Variants in CNTN5 observed in about 807,000 individuals in gnomAD.
CNTN5 encodes the protein contactin-5.
In CNTN5, 77 loss-of-function variants were observed where a neutral mutation model predicts 129.1. That is an observed-to-expected ratio of 0.60 (90% CI 0.50 to 0.72). The LOEUF (loss-of-function observed/expected upper bound fraction) is 0.72, where lower values mean the gene tolerates loss of function less well. CNTN5 is among the 30% of genes least tolerant of loss of function. The pLI, the probability that CNTN5 is intolerant of heterozygous loss-of-function variation, is 0.00. For missense variants in CNTN5, 1,478 were observed against 1,328.8 expected, an observed-to-expected ratio of 1.11 and a Z score of -1.75; for synonymous variants, 509 against 465.6, an observed-to-expected ratio of 1.09 and a Z score of -1.20.
At chr11:100,307,904 A>C (rs1951389456) in intron 20 of CNTN5, among the ~76,000 whole-genome samples, 1 of 151,756 alleles carries the variant, frequency 6.6e-6, no homozygotes, top group South Asian at 2.1e-4. Flanking sequence ...CTCTCATTAT[A>C]GTCATGTTAT....
At chr11:99,081,625 G>C (rs1865800184) in intron 1 of CNTN5, among the ~76,000 whole-genome samples, 1 of 152,114 alleles carries the variant, frequency 6.6e-6, no homozygotes, top group Admixed American at 6.5e-5. Flanking sequence ...GTAAGGTACA[G>C]CACTGATATT....
chr11:99,419,814 T>A (rs1209915457), intron 2 of CNTN5, among the ~76,000 whole-genome samples: 2 of 152,158 alleles, frequency 1.3e-5, no homozygotes, highest in African/African-American at 2.4e-5. Context: ...TACAAATTAT[T>A]GTTATTGTTA....
intron 16 of CNTN5, among the ~76,000 whole-genome samples, chr11:100,245,331 G>A (rs72985627): frequency 0.051 from 7,703 of 152,126 alleles, 259 homozygotes; most frequent in East Asian, 0.17. Context: ...AACTTGCATC[G>A]AACCATCTGG....
chr11:99,382,853 T>TTTG (rs1402092440), intron 2 of CNTN5, among the ~76,000 whole-genome samples: 3 of 84,412 alleles, frequency 3.6e-5, no homozygotes, highest in East Asian at 5.8e-4. Context: ...AACTTTTTTT[T>TTTG]TTTTTTTTTT....
intron 1 of CNTN5, among the ~76,000 whole-genome samples, chr11:99,103,389 T>C (rs1866832792): frequency 6.6e-6 from 1 of 152,236 alleles, no homozygotes; most frequent in African/African-American, 2.4e-5. Flanking sequence ...CCCTATGCCA[T>C]GCTGTTGCCT....
intron 1 of CNTN5, among the ~76,000 whole-genome samples, chr11:99,202,818 C>G (rs1859277119): frequency 6.6e-6 from 1 of 150,860 alleles, no homozygotes; most frequent in African/African-American, 2.4e-5. Flanking sequence ...ATAGTAAATG[C>G]CATTGAATAC....
chr11:99,503,597 T>C (rs906079121), intron 2 of CNTN5, among the ~76,000 whole-genome samples: 1 of 152,188 alleles, frequency 6.6e-6, no homozygotes, highest in South Asian at 2.1e-4. Flanking sequence ...ATTGTTAATA[T>C]ATCTTTCACC....
chr11:99,527,765 G>A (rs1478074901), intron 2 of CNTN5, among the ~76,000 whole-genome samples: 1 of 152,160 alleles, frequency 6.6e-6, no homozygotes, highest in East Asian at 1.9e-4. Flanking sequence ...GGCAATGCCA[G>A]TAAAAATACA....
chr11:99,932,211 G>A (rs2136079216), intron 7 of CNTN5, among the ~76,000 whole-genome samples: 1 of 151,702 alleles, frequency 6.6e-6, no homozygotes, highest in Middle Eastern at 3.4e-3. Context: ...ATTTTTTTGA[G>A]ACGGAGTCTC....
At chr11:99,847,066 A>T (rs1947722586) in intron 6 of CNTN5, among the ~76,000 whole-genome samples, 2 of 152,240 alleles carry the variant, frequency 1.3e-5, no homozygotes, top group Non-Finnish European at 2.9e-5. Flanking sequence ...GATGCAGAAT[A>T]TCAAGAAAAT....
intron 16 of CNTN5, among the ~76,000 whole-genome samples, chr11:100,250,463 G>A (rs998704193): frequency 6.6e-6 from 1 of 151,670 alleles, no homozygotes; most frequent in Non-Finnish European, 1.5e-5. Context: ...CATGTTGGAC[G>A]TTCAGATAAG....
At chr11:99,863,212 C>G (rs1565616910) in intron 6 of CNTN5, among the ~76,000 whole-genome samples, 1 of 151,694 alleles carries the variant, frequency 6.6e-6, no homozygotes, top group African/African-American at 2.4e-5. Context: ...AACTGGAGCC[C>G]AATATAATGA....
intron 3 of CNTN5, among the ~76,000 whole-genome samples, chr11:99,593,112 AC>A (rs1239467696): frequency 6.6e-6 from 1 of 152,068 alleles, no homozygotes; most frequent in Non-Finnish European, 1.5e-5. Flanking sequence ...TAGCTTAGAT[AC>A]CTCTCTAACT....
intron 1 of CNTN5, among the ~76,000 whole-genome samples, chr11:99,129,834 C>A (rs1164782328): frequency 6.6e-6 from 1 of 152,126 alleles, no homozygotes; most frequent in Non-Finnish European, 1.5e-5. Context: ...AAATAGCTCC[C>A]AATCCAGAAT....
At chr11:99,948,490 G>A (rs1024973518) in intron 7 of CNTN5, among the ~76,000 whole-genome samples, 4 of 152,076 alleles carry the variant, frequency 2.6e-5, no homozygotes, top group Non-Finnish European at 4.4e-5. Flanking sequence ...TCTAGACACC[G>A]CTCTAATTAG....
intron 1 of CNTN5, among the ~76,000 whole-genome samples, chr11:99,069,512 TC>T (rs1355810535): frequency 2.0e-5 from 3 of 152,166 alleles, no homozygotes; most frequent in African/African-American, 7.2e-5. Flanking sequence ...ATTGTAATCA[TC>T]TCTGTTATGG....
At chr11:99,389,553 A>T (rs1050377108) in intron 2 of CNTN5, among the ~76,000 whole-genome samples, 1 of 152,206 alleles carries the variant, frequency 6.6e-6, no homozygotes, top group Non-Finnish European at 1.5e-5. Flanking sequence ...CCCTTTATAG[A>T]TAAGAATCAG....
intron 21 of CNTN5, chr11:100,337,569 G>A: frequency 2.7e-6 from 2 of 743,434 alleles, no homozygotes; most frequent in South Asian, 2.7e-5. Context: ...GAGCAATGAG[G>A]GGCACGTCTA....
At chr11:99,819,820 A>G (rs1200226426) in intron 4 of CNTN5, 55 bp downstream of exon 4, 5 of 1,099,196 alleles carry the variant, frequency 4.5e-6, no homozygotes, top group Non-Finnish European at 6.7e-6. Context: ...AAGAAGACTT[A>G]TTTAATACTG....
Sources: gnomAD v4.1 joint callset for allele counts (sites outside exome capture counted in the v4.1 genomes callset) on GRCh38, gnomAD v4.1.1 for gene constraint, MANE v1.5 for transcripts, NCBI Gene and HGNC (gene_info 2026-07-23, HGNC 2026-07-21) for gene names.